FLYWCH2: variants seen among roughly 807,000 people sequenced by gnomAD.
FLYWCH2 encodes the protein FLYWCH family member 2.
A neutral mutation model predicts 6.0 loss-of-function variants in FLYWCH2; 2 were observed. That is an observed-to-expected ratio of 0.33 (90% CI 0.14 to 1.04). The LOEUF is 1.04. Among genes scored for constraint, FLYWCH2 ranks in the 50% least tolerant of loss-of-function variants. The pLI is 0.45. For missense variants in FLYWCH2, 192 were observed against 183.4 expected (o/e 1.05, Z -0.27); for synonymous variants, 87 against 79.3 (o/e 1.10, Z -0.52).
intron 1 of FLYWCH2, among the ~76,000 whole-genome samples, chr16:2,883,728 T>C (rs999465625): frequency 2.6e-5 from 4 of 152,020 alleles, no homozygotes; most frequent in African/African-American, 9.7e-5. Flanking sequence ...CGGCAGCGAG[T>C]TGGAGGCGTG....
At chr16:2,888,169 C>T (rs908908550) in intron 1 of FLYWCH2, among the ~76,000 whole-genome samples, 2 of 151,862 alleles carry the variant, frequency 1.3e-5, no homozygotes, top group African/African-American at 4.8e-5. Context: ...CCGCCACACT[C>T]GGCTAATTTT....
intron 1 of FLYWCH2, among the ~76,000 whole-genome samples, chr16:2,890,581 A>ATTTTT (rs1312928578): frequency 8.1e-6 from 1 of 123,176 alleles, no homozygotes; most frequent in South Asian, 2.4e-4. Context: ...CGCCCGGCCA[A>ATTTTT]TTTTTTTTTT....
rs1322100479 is a variant in FLYWCH2, at chr16:2,886,641, C to T, written c.-200+3275C>T. ...GGTTCAAGCAATTCTCCTGTCTCAG[C>T]CTCCTGAGTAGCTGGGATTACAGGC... On this transcript the variant is annotated intron_variant, in intron 1 of 3. Coordinates refer to ENST00000396958, the MANE Select transcript of FLYWCH2 (RefSeq NM_138439.3). Among the ~76,000 whole-genome samples the T allele has an allele frequency of 1.4e-5, 2 of 147,048 alleles. 1 individual carries two copies. Among genetic ancestry groups the T allele is most frequent in the African/African-American group, 5.4e-5 (2 of 37,242 alleles).
Position 2,899,270 on chromosome 16 carries a change from T to TTTC in FLYWCH2, c.*123_*124insCTT, listed in dbSNP as rs1555478086. ...TTTAACATTGTGTGATTTCTTTTCT[T>TTTC]TTTTTTTTTTTTTTTAGATCAAGTA... On this transcript the variant is annotated 3_prime_UTR_variant, in exon 4 of 4. Transcript: ENST00000396958. 19 of 325,460 alleles carry TTTC rather than the reference T, an allele frequency of 5.8e-5. No homozygotes were observed. The highest frequency in any genetic ancestry group is 8.4e-5 in the Non-Finnish European group (16 of 190,462). The allele number at this position is 325,460 out of a possible 1,614,324, so 20.2% of individuals were successfully genotyped here.
chr16:2,894,077 A>G (rs573064541), intron 1 of FLYWCH2, among the ~76,000 whole-genome samples: 18 of 151,420 alleles, frequency 1.2e-4, no homozygotes, highest in Admixed American at 5.3e-4. Context: ...CAATGGCAAA[A>G]CCGCAATTAC....
chr16:2,884,036 G>A (rs907297916), intron 1 of FLYWCH2, among the ~76,000 whole-genome samples: 12 of 152,144 alleles, frequency 7.9e-5, no homozygotes, highest in African/African-American at 2.7e-4. Context: ...GACGTGTACT[G>A]CACACCTTAG....
intron 1 of FLYWCH2, among the ~76,000 whole-genome samples, chr16:2,885,489 T>C (rs1314550785): frequency 6.6e-6 from 1 of 152,218 alleles, no homozygotes; most frequent in African/African-American, 2.4e-5. Context: ...AATCCCGAGA[T>C]AACCACAAAT....
chr16:2,885,868 T>C (rs1313919778), intron 1 of FLYWCH2, among the ~76,000 whole-genome samples: 2 of 152,198 alleles, frequency 1.3e-5, no homozygotes, highest in African/African-American at 4.8e-5. Context: ...TGCTGGGTCA[T>C]AGGGTAACTC....
At chr16:2,896,908 T>A in intron 3 of FLYWCH2, 137 bp downstream of exon 3, 1 of 845,096 alleles carries the variant, frequency 1.2e-6, no homozygotes, top group Non-Finnish European at 1.8e-6. Flanking sequence ...TGGAGAGCAG[T>A]GGCACAGGGG....
At chr16:2,884,410 C>T (rs2069673028) in intron 1 of FLYWCH2, among the ~76,000 whole-genome samples, 1 of 151,786 alleles carries the variant, frequency 6.6e-6, no homozygotes, top group South Asian at 2.1e-4. Flanking sequence ...CTGTTGCTGT[C>T]CTAACAAATA....
intron 1 of FLYWCH2, among the ~76,000 whole-genome samples, chr16:2,889,297 G>A (rs546952914): frequency 2.1e-5 from 3 of 143,072 alleles, no homozygotes. Context: ...TGCAAGCTCT[G>A]CCTCCCAGGT....
chr16:2,895,024 G>T (rs575527811), intron 1 of FLYWCH2, among the ~76,000 whole-genome samples, 196 bp from the exon 2 acceptor site: 1 of 152,228 alleles, frequency 6.6e-6, no homozygotes, highest in Admixed American at 6.5e-5. Context: ...TGCCCAAGCT[G>T]CAGTCTTGTG....
chr16:2,897,556 G>A (rs2150851843), intron 3 of FLYWCH2, among the ~76,000 whole-genome samples: 1 of 152,360 alleles, frequency 6.6e-6, no homozygotes, highest in Admixed American at 6.5e-5. Context: ...TGCCCCTGCT[G>A]TGTACTAGAC....
intron 1 of FLYWCH2, among the ~76,000 whole-genome samples, chr16:2,892,293 G>A (rs1411864132): frequency 2.6e-5 from 4 of 151,676 alleles, no homozygotes; most frequent in Non-Finnish European, 4.4e-5. Context: ...TCAGGAGTTC[G>A]AGACCAGCTT....
chr16:2,891,274 T>C (rs1013767196), intron 1 of FLYWCH2, among the ~76,000 whole-genome samples: 6 of 152,168 alleles, frequency 3.9e-5, no homozygotes, highest in East Asian at 1.9e-4. Flanking sequence ...GTTGACATAA[T>C]AGGACTTTTT....
At position 2,899,254 on chromosome 16, in the gene FLYWCH2, G is replaced by T. The variant is rs2069857689; in HGVS notation, c.*105G>T. 12 of 524,624 alleles carry T rather than the reference G, an allele frequency of 2.3e-5. No individual in the cohort carries two copies. The highest frequency in any genetic ancestry group is 1.0e-4 in the South Asian group (3 of 29,188). The allele number at this position is 524,624 out of a possible 1,614,324, so 32.5% of individuals were successfully genotyped here. ...TGGGTGAATCTTTGCTTTTAACATT[G>T]TGTGATTTCTTTTCTTTTTTTTTTT... On this transcript the variant is annotated 3_prime_UTR_variant, in exon 4 of 4. Transcript: ENST00000396958.
intron 1 of FLYWCH2, among the ~76,000 whole-genome samples, chr16:2,886,812 T>A (rs992546277): frequency 1.3e-5 from 2 of 152,100 alleles, no homozygotes; most frequent in African/African-American, 4.8e-5. Context: ...TGAGCCACCA[T>A]GCCCAGCCGC....
At chr16:2,883,874 A>G (rs543527169) in intron 1 of FLYWCH2, among the ~76,000 whole-genome samples, 37 of 152,348 alleles carry the variant, frequency 2.4e-4, no homozygotes, top group Non-Finnish European at 3.7e-4. Context: ...AAAGGAGTGA[A>G]ATAAAGATTC....
At chr16:2,890,712 G>A (rs371242939) in intron 1 of FLYWCH2, among the ~76,000 whole-genome samples, 1 of 151,850 alleles carries the variant, frequency 6.6e-6, no homozygotes, top group Non-Finnish European at 1.5e-5. Flanking sequence ...ATGAGCCACT[G>A]CGCCCAGCCA....
Sources: gnomAD v4.1 joint callset for allele counts (sites outside exome capture counted in the v4.1 genomes callset) on GRCh38, gnomAD v4.1.1 for gene constraint, MANE v1.5 for transcripts, NCBI Gene and HGNC (gene_info 2026-07-23, HGNC 2026-07-21) for gene names.